LRP1B: variants seen among roughly 807,000 people sequenced by gnomAD.
LRP1B encodes low-density lipoprotein receptor-related protein 1B.
A neutral mutation model predicts 556.6 loss-of-function variants in LRP1B; 217 were observed. That is an observed-to-expected ratio of 0.39 (90% CI 0.35 to 0.44). The LOEUF (loss-of-function observed/expected upper bound fraction) is 0.44, where lower values mean the gene tolerates loss of function less well. Among genes scored for constraint, LRP1B ranks in the 20% least tolerant of loss-of-function variants. The probability of loss-of-function intolerance (pLI) is 1.00; values close to 1 mark genes in which losing one functional copy is unlikely to be tolerated. For synonymous variants in LRP1B, 2,047 were observed against 1,865.8 expected (o/e 1.10, Z -2.50); for missense variants, 5,053 against 5,620.8 (o/e 0.90, Z 3.23).
intron 35 of LRP1B, among the ~76,000 whole-genome samples, chr2:140,747,887 CA>C (rs1207758381): frequency 1.7e-4 from 26 of 151,398 alleles, no homozygotes; most frequent in Non-Finnish European, 3.1e-4. Flanking sequence ...TTTTCAGTAT[CA>C]GGGGTTATAT....
intron 7 of LRP1B, among the ~76,000 whole-genome samples, chr2:141,154,082 A>G (rs1702006931): frequency 6.6e-6 from 1 of 151,896 alleles, no homozygotes; most frequent in Non-Finnish European, 1.5e-5. Context: ...TGCCCTGGGC[A>G]TATAAACTGA....
rs929133633 is a variant in LRP1B at position 141,660,440 on chromosome 2, G to A, written c.205+149839C>T. Among the ~76,000 whole-genome samples the A allele has an allele frequency of 2.6e-5, 4 of 152,084 alleles. No individual in the cohort carries two copies. The East Asian group carries it at 7.7e-4, about 29-fold the overall frequency. ...CAAGACTACTGAGTTCTCAGGGAGT[G>A]GGGCGGCAGCCATCACTACAGCTCC... On this transcript the variant is annotated intron_variant, in intron 2 of 90. Transcript: ENST00000389484.
At chr2:141,746,623 C>T (rs1052965558) in intron 2 of LRP1B, among the ~76,000 whole-genome samples, 2 of 151,910 alleles carry the variant, frequency 1.3e-5, no homozygotes, top group African/African-American at 2.4e-5. Flanking sequence ...TGAGTGCACA[C>T]CTGATTTTTG....
intron 21 of LRP1B, among the ~76,000 whole-genome samples, chr2:140,916,425 G>A (rs1262973361): frequency 6.6e-6 from 1 of 152,182 alleles, no homozygotes; most frequent in Non-Finnish European, 1.5e-5. Flanking sequence ...GCCATTCACA[G>A]AAGCCCATAG....
At chr2:140,921,338 G>A (rs1453692099) in intron 21 of LRP1B, among the ~76,000 whole-genome samples, 2 of 151,800 alleles carry the variant, frequency 1.3e-5, no homozygotes, top group African/African-American at 4.8e-5. Flanking sequence ...AGCTTTGCCA[G>A]TTTCTTTTTC....
At chr2:141,042,526 G>C (rs568616173) in intron 11 of LRP1B, among the ~76,000 whole-genome samples, 2 of 152,040 alleles carry the variant, frequency 1.3e-5, no homozygotes, top group African/African-American at 2.4e-5. Context: ...TAATGTTTTA[G>C]TTTACAAACA....
rs919720621 is a variant in LRP1B, at chr2:140,408,784, TCTA to T, written c.10415-22778_10415-22776del. On this transcript the variant is annotated intron_variant, in intron 66 of 90. Coordinates refer to ENST00000389484, the MANE Select transcript of LRP1B (RefSeq NM_018557.3). ...ACATCAGAGAAAAAAATGATATCTTTCTACTGAGTGTAATTTATACTCTGAGAT... is the reference window on the plus strand; with the variant it reads ...ACATCAGAGAAAAAAATGATATCTTTCTGAGTGTAATTTATACTCTGAGAT... Among the ~76,000 whole-genome samples the T allele has an allele frequency of 1.4e-4, 22 of 152,094 alleles. 1 individual carries two copies. The highest frequency in any genetic ancestry group is 5.3e-4 in the African/African-American group (22 of 41,542).
At chr2:142,035,128 A>G (rs943573888) in intron 1 of LRP1B, among the ~76,000 whole-genome samples, 2 of 151,606 alleles carry the variant, frequency 1.3e-5, no homozygotes, top group African/African-American at 4.8e-5. Context: ...TTTTTTAACT[A>G]TTTTCTTTGG....
At position 140,779,067 on chromosome 2, in the gene LRP1B, G is replaced by A. The variant is rs1355269730; in HGVS notation, c.5360-2829C>T. On this transcript the variant is annotated intron_variant, in intron 32 of 90. Transcript: ENST00000389484. The stretch of plus-strand genomic sequence containing the variant: ...ATAACCCACATCTAAAAAACTCTTA[G>A]GGATCTCAATAATTTTTAAGACTAT... Among the ~76,000 whole-genome samples, 3 of 143,580 alleles carry A rather than the reference G, an allele frequency of 2.1e-5. No individual in the cohort carries two copies. The Admixed American group carries it at 2.1e-4, about 10-fold the overall frequency. 94.2% of individuals were successfully genotyped at this position (143,580 alleles called of 152,430 possible).
intron 3 of LRP1B, among the ~76,000 whole-genome samples, chr2:141,327,528 T>A (rs1019249451): frequency 6.6e-6 from 1 of 152,220 alleles, no homozygotes; most frequent in Non-Finnish European, 1.5e-5. Context: ...TCCACATCTA[T>A]ATTTTTCAGA....
At chr2:141,922,113 G>C (rs1339976816) in intron 1 of LRP1B, among the ~76,000 whole-genome samples, 2 of 152,090 alleles carry the variant, frequency 1.3e-5, no homozygotes, top group Non-Finnish European at 2.9e-5. Flanking sequence ...CCACAATGTA[G>C]AGTTAAGGTC....
chr2:141,639,243 G>C (rs1028452737), intron 2 of LRP1B, among the ~76,000 whole-genome samples: 7 of 138,148 alleles, frequency 5.1e-5, no homozygotes. Context: ...GCAAAGCACA[G>C]AGCACCACGC....
At chr2:141,778,440 C>T (rs1156650285) in intron 2 of LRP1B, among the ~76,000 whole-genome samples, 3 of 152,172 alleles carry the variant, frequency 2.0e-5, no homozygotes, top group East Asian at 1.9e-4. Flanking sequence ...TTCTAGACAG[C>T]GTATCTGCTC....
At chr2:141,726,737 G>A (rs1243622152) in intron 2 of LRP1B, among the ~76,000 whole-genome samples, 1 of 152,014 alleles carries the variant, frequency 6.6e-6, no homozygotes, top group Non-Finnish European at 1.5e-5. Context: ...TCCCCCAGTG[G>A]AATAACAGTA....
In LRP1B at chr2:141,062,153, G is replaced by T. The variant is rs749618751; in HGVS notation, c.1134C>A (p.Asp378Glu). Residue 378 changes from aspartate to glutamate, a missense_variant, in exon 8 of 91, where the codon GAC becomes GAA. Physicochemically the swap from Asp to Glu is conservative, Grantham distance 45. Around this residue, in one of 5 missense-constraint regions of LRP1B, gnomAD observed 3,619 missense variants for 3,931.9 expected, o/e 0.92. Transcript: ENST00000389484. Reference sequence around the variant, plus strand: ...CCCAGTAAACCAATTTGTTGACTAGGTCTAGTGCCAGTGCAGCTGGCTGCT... The same window carrying T: ...CCCAGTAAACCAATTTGTTGACTAGTTCTAGTGCCAGTGCAGCTGGCTGCT... The part of the protein sequence containing the change: ...KTEQPAALAL[D>E]LVNKLVYWVD... 4 of 1,612,098 alleles carry T rather than the reference G, an allele frequency of 2.5e-6. 1 individual carries two copies. Among genetic ancestry groups the T allele is most frequent in the Non-Finnish European group, 3.4e-6 (4 of 1,178,726 alleles).
At chr2:141,418,950 A>G (rs1186278309) in intron 3 of LRP1B, among the ~76,000 whole-genome samples, 1 of 151,968 alleles carries the variant, frequency 6.6e-6, no homozygotes, top group Non-Finnish European at 1.5e-5. Flanking sequence ...ATTCCTAAGT[A>G]TTATATTATT....
chr2:142,076,015 T>A (rs1202986356), intron 1 of LRP1B, among the ~76,000 whole-genome samples: 2 of 152,136 alleles, frequency 1.3e-5, no homozygotes, highest in Admixed American at 6.6e-5. Context: ...CAGAAAAGCA[T>A]TCTTAACCAC....
At chr2:141,904,017 G>T (rs909869566) in intron 1 of LRP1B, among the ~76,000 whole-genome samples, 1 of 151,828 alleles carries the variant, frequency 6.6e-6, no homozygotes, top group Non-Finnish European at 1.5e-5. Context: ...GAGCACGAAG[G>T]GTAATGGAAA....
intron 2 of LRP1B, among the ~76,000 whole-genome samples, chr2:141,808,220 C>A (rs1217981647): frequency 1.3e-5 from 2 of 152,092 alleles, no homozygotes; most frequent in African/African-American, 4.8e-5. Context: ...TTCCCCTCCA[C>A]CCTGGCTTTC....
Sources: allele counts gnomAD v4.1 joint callset (sites outside exome capture counted in the v4.1 genomes callset), GRCh38; gene constraint gnomAD v4.1.1; regional missense constraint gnomAD v4.1.1; transcripts MANE v1.5; gene names NCBI Gene and HGNC (gene_info 2026-07-23, HGNC 2026-07-21).